Variants in ZNG1E observed in about 807,000 individuals in gnomAD.
The protein encoded by ZNG1E is Zn regulated GTPase metalloprotein activator 1E.
chr9:65,661,536 G>A, the ZNG1E span, among the ~76,000 whole-genome samples: 7 of 152,334 alleles, frequency 4.6e-5, no homozygotes, highest in East Asian at 1.2e-3. Flanking sequence ...CAAAGTTTAT[G>A]TTTAGTCTGA....
At chr9:65,676,607 C>T in the ZNG1E span, among the ~76,000 whole-genome samples, 1 of 151,426 alleles carries the variant, frequency 6.6e-6, no homozygotes, top group African/African-American at 2.4e-5. Flanking sequence ...AGTCCTCCAG[C>T]CAGTTGGCAG....
chr9:65,684,592 A>G, the ZNG1E span, among the ~76,000 whole-genome samples: 1 of 151,424 alleles, frequency 6.6e-6, no homozygotes, highest in Admixed American at 6.6e-5. Context: ...ACACACAAGT[A>G]GGTAAATTTT....
the ZNG1E span, among the ~76,000 whole-genome samples, chr9:65,661,156 C>A: frequency 2.8e-5 from 4 of 140,566 alleles, no homozygotes; most frequent in South Asian, 6.7e-4. Flanking sequence ...ATAAAACATA[C>A]CTTGGAGGGT....
the ZNG1E span, among the ~76,000 whole-genome samples, chr9:65,662,521 A>T: frequency 1.3e-5 from 2 of 151,626 alleles, no homozygotes; most frequent in Non-Finnish European, 2.9e-5. Flanking sequence ...GGGAACCTCT[A>T]CTATTTTTGT....
At chr9:65,717,640 T>TAA in the ZNG1E span, among the ~76,000 whole-genome samples, 1 of 149,582 alleles carries the variant, frequency 6.7e-6, no homozygotes, top group Non-Finnish European at 1.5e-5. Context: ...TAAATGTGTT[T>TAA]ACAAGGGGAA....
chr9:65,714,383 G>T, the ZNG1E span, among the ~76,000 whole-genome samples: 8 of 151,746 alleles, frequency 5.3e-5, no homozygotes, highest in African/African-American at 1.5e-4. Flanking sequence ...GTCCAGCTTT[G>T]TTCTGTTGTT....
At chr9:65,662,570 A>T in the ZNG1E span, among the ~76,000 whole-genome samples, 1 of 151,892 alleles carries the variant, frequency 6.6e-6, no homozygotes, top group Non-Finnish European at 1.5e-5. Flanking sequence ...ATGAGTTAGA[A>T]AATTAAAAGG....
At chr9:65,673,801 T>C in the ZNG1E span, among the ~76,000 whole-genome samples, 66 of 152,252 alleles carry the variant, frequency 4.3e-4, no homozygotes, top group African/African-American at 1.5e-3. Flanking sequence ...TGAGACCCTG[T>C]CTCAAAAAAC....
chr9:65,714,642 C>T, the ZNG1E span, among the ~76,000 whole-genome samples: 2 of 152,112 alleles, frequency 1.3e-5, no homozygotes, highest in Non-Finnish European at 1.5e-5. Context: ...AGTACCCGGC[C>T]GTGTGAGGTG....
At chr9:65,717,066 T>A in the ZNG1E span, among the ~76,000 whole-genome samples, 1 of 152,008 alleles carries the variant, frequency 6.6e-6, no homozygotes, top group Non-Finnish European at 1.5e-5. Context: ...CTTCTTGTTT[T>A]ATGGTAAATA....
chr9:65,685,247 A>T, the ZNG1E span, among the ~76,000 whole-genome samples: 1 of 152,270 alleles, frequency 6.6e-6, no homozygotes, highest in African/African-American at 2.4e-5. Context: ...GGTGCTGACC[A>T]ATCAGGGTAG....
At chr9:65,665,229 C>T in the ZNG1E span, among the ~76,000 whole-genome samples, 3 of 152,400 alleles carry the variant, frequency 2.0e-5, no homozygotes, top group Admixed American at 1.3e-4. Flanking sequence ...GCAGCCCCTC[C>T]CATCACAGGC....
At chr9:65,687,266 A>G in the ZNG1E span, among the ~76,000 whole-genome samples, 3 of 141,114 alleles carry the variant, frequency 2.1e-5, no homozygotes, top group African/African-American at 7.9e-5. Flanking sequence ...TAATTCTTTT[A>G]GTTCTATGTT....
the ZNG1E span, among the ~76,000 whole-genome samples, chr9:65,666,732 A>C: frequency 6.7e-6 from 1 of 149,394 alleles, no homozygotes; most frequent in Non-Finnish European, 1.5e-5. Context: ...ACAGAATTTC[A>C]TGAACAAAAA....
chr9:65,662,633 A>G, the ZNG1E span, among the ~76,000 whole-genome samples: 2 of 152,108 alleles, frequency 1.3e-5, no homozygotes, highest in South Asian at 4.1e-4. Flanking sequence ...CAAGAAATTA[A>G]TGGTGAAGTG....
chr9:65,707,886 G>T, the ZNG1E span: 7 of 141,708 alleles, frequency 4.9e-5, no homozygotes, highest in Admixed American at 2.8e-4. Context: ...TTTTGAGGCG[G>T]AGTCTCACTC....
the ZNG1E span, among the ~76,000 whole-genome samples, chr9:65,722,697 ATTT>A: frequency 0.032 from 260 of 8,078 alleles, no homozygotes; most frequent in South Asian, 0.065. Context: ...TGCCTAGCTA[ATTT>A]TTTTTTTTTT....
chr9:65,715,089 ACAATCT>A, the ZNG1E span, among the ~76,000 whole-genome samples: 5 of 149,328 alleles, frequency 3.3e-5, no homozygotes, highest in African/African-American at 1.3e-4. Context: ...GGTGTGGGAC[ACAATCT>A]CCTGGTGCGC....
the ZNG1E span, among the ~76,000 whole-genome samples, chr9:65,684,791 C>A: frequency 3.3e-5 from 5 of 152,218 alleles, no homozygotes; most frequent in Non-Finnish European, 7.3e-5. Context: ...ACTGTACAGC[C>A]ATACTGCAGG....
Sources: allele counts gnomAD v4.1 joint callset (sites outside exome capture counted in the v4.1 genomes callset), GRCh38; gene constraint gnomAD v4.1.1; transcripts MANE v1.5; gene names NCBI Gene and HGNC (gene_info 2026-07-23, HGNC 2026-07-21).